Variants in ROBO1 observed in about 807,000 individuals in gnomAD.
ROBO1 encodes the protein roundabout homolog 1.
Under a neutral mutation model 195.9 loss-of-function variants are expected in ROBO1, and 149 were observed. The observed-to-expected ratio is 0.76, with a 90% CI of 0.67 to 0.87. The LOEUF is 0.87. ROBO1 is among the 40% of genes least tolerant of loss of function. The probability of loss-of-function intolerance (pLI) is 0.00; values close to 1 mark genes in which losing one functional copy is unlikely to be tolerated. For missense variants in ROBO1, 1,933 were observed against 2,068.3 expected (o/e 0.93, Z 1.27); for synonymous variants, 816 against 733.2 (o/e 1.11, Z -1.82).
chr3:79,689,053 T>C (rs574580389), intron 1 of ROBO1, among the ~76,000 whole-genome samples: 1 of 152,074 alleles, frequency 6.6e-6, no homozygotes, highest in African/African-American at 2.4e-5. Context: ...CCCCATTATA[T>C]CTTTAACTTA....
chr3:78,727,041 AACATT>A (rs1200055326), intron 5 of ROBO1, among the ~76,000 whole-genome samples: 6 of 152,136 alleles, frequency 3.9e-5, no homozygotes, highest in African/African-American at 1.2e-4. Context: ...TTCAGATTAA[AACATT>A]CATATTTTCT....
intron 4 of ROBO1, among the ~76,000 whole-genome samples, chr3:78,916,361 G>T (rs2038587214): frequency 6.6e-6 from 1 of 151,868 alleles, no homozygotes; most frequent in East Asian, 1.9e-4. Context: ...AGACCAGCCT[G>T]GCCAACGTGG....
intron 2 of ROBO1, among the ~76,000 whole-genome samples, chr3:79,152,680 A>G (rs2080793922): frequency 6.6e-6 from 1 of 151,816 alleles, no homozygotes; most frequent in African/African-American, 2.4e-5. Context: ...TGACAGTCAA[A>G]TGGGAGGAAT....
At chr3:79,186,088 C>T (rs2081432165) in intron 2 of ROBO1, among the ~76,000 whole-genome samples, 1 of 151,978 alleles carries the variant, frequency 6.6e-6, no homozygotes, top group African/African-American at 2.4e-5. Flanking sequence ...TCAAAGTGAC[C>T]CTGCTACTTA....
At chr3:79,424,383 T>A (rs1300141948) in intron 2 of ROBO1, among the ~76,000 whole-genome samples, 1 of 151,588 alleles carries the variant, frequency 6.6e-6, no homozygotes, top group Non-Finnish European at 1.5e-5. Context: ...ACACATAACA[T>A]TCAGAAGTTA....
chr3:78,964,772 G>C (rs963976649), intron 3 of ROBO1, among the ~76,000 whole-genome samples: 1 of 150,562 alleles, frequency 6.6e-6, no homozygotes, highest in African/African-American at 2.4e-5. Flanking sequence ...CAGAGTTTTA[G>C]GGGTCTAAAA....
chr3:78,708,578 A>ATGCT (rs1194329371), intron 8 of ROBO1, among the ~76,000 whole-genome samples: 4 of 152,172 alleles, frequency 2.6e-5, no homozygotes, highest in African/African-American at 9.7e-5. Context: ...CATCTAATAA[A>ATGCT]TACGTAATGG....
intron 11 of ROBO1, among the ~76,000 whole-genome samples, chr3:78,668,918 G>A (rs1279699552): frequency 1.3e-5 from 2 of 152,064 alleles, no homozygotes; most frequent in South Asian, 2.1e-4. Context: ...TGTTTAATAA[G>A]TTATATAATA....
chr3:79,006,786 A>G (rs1245603361), intron 3 of ROBO1, among the ~76,000 whole-genome samples: 1 of 149,022 alleles, frequency 6.7e-6, no homozygotes, highest in East Asian at 2.0e-4. Flanking sequence ...ACAGACTCTC[A>G]TAAGTTTTAT....
At chr3:79,611,026 G>T (rs1238983304) in intron 1 of ROBO1, among the ~76,000 whole-genome samples, 1 of 152,016 alleles carries the variant, frequency 6.6e-6, no homozygotes, top group East Asian at 1.9e-4. Context: ...GATCAAATAT[G>T]AATGGATGTA....
At chr3:79,467,939 T>C (rs1334140842) in intron 2 of ROBO1, among the ~76,000 whole-genome samples, 1 of 152,162 alleles carries the variant, frequency 6.6e-6, no homozygotes, top group African/African-American at 2.4e-5. Flanking sequence ...CCCTGTGGCA[T>C]ATCCTGTGAG....
At chr3:78,939,207 C>T (rs1012507476) in intron 3 of ROBO1, among the ~76,000 whole-genome samples, 1 of 152,126 alleles carries the variant, frequency 6.6e-6, no homozygotes, top group Non-Finnish European at 1.5e-5. Context: ...GAACCCATTA[C>T]ATTGTGTGTT....
chr3:79,197,848 T>C (rs1434828832), intron 2 of ROBO1, among the ~76,000 whole-genome samples: 1 of 151,976 alleles, frequency 6.6e-6, no homozygotes, highest in African/African-American at 2.4e-5. Context: ...TTTTGAGAAG[T>C]GTCTGTTCAT....
chr3:79,637,881 T>C (rs1466920645), intron 1 of ROBO1, among the ~76,000 whole-genome samples: 1 of 152,162 alleles, frequency 6.6e-6, no homozygotes, highest in Non-Finnish European at 1.5e-5. Context: ...CCTCTAGCTT[T>C]CTTTTTAAAA....
chr3:78,733,389 T>C (rs2082324176), intron 5 of ROBO1, among the ~76,000 whole-genome samples: 1 of 152,076 alleles, frequency 6.6e-6, no homozygotes, highest in African/African-American at 2.4e-5. Context: ...CCCTTTTGAA[T>C]GTACTATTTG....
chr3:78,919,715 T>C lies in ROBO1; in HGVS notation c.499+18886A>G, dbSNP rs192723138. Among the ~76,000 whole-genome samples, 313 of 152,300 alleles carry C rather than the reference T, an allele frequency of 2.1e-3. 2 individuals carry two copies. The highest frequency in any genetic ancestry group is 7.2e-3 in the African/African-American group (300 of 41,564). Reference sequence around the variant, plus strand: ...TTTGTCTTTACATCACAGAAAAAGTTGAGGAAGGTAAATCGATGGAGGTTA... The same window carrying C: ...TTTGTCTTTACATCACAGAAAAAGTCGAGGAAGGTAAATCGATGGAGGTTA... On this transcript the variant is annotated intron_variant, in intron 4 of 30. Transcript: ENST00000464233.
At chr3:78,613,424 T>C (rs1442609673) in intron 28 of ROBO1, among the ~76,000 whole-genome samples, 1 of 152,166 alleles carries the variant, frequency 6.6e-6, no homozygotes, top group Admixed American at 6.5e-5. Context: ...CTAGTGTTTG[T>C]CCCTTCACAG....
chr3:79,453,026 A>G (rs2039498331), intron 2 of ROBO1, among the ~76,000 whole-genome samples: 1 of 152,082 alleles, frequency 6.6e-6, no homozygotes, highest in Non-Finnish European at 1.5e-5. Context: ...ATGTATACAC[A>G]TATTGAAGGG....
chr3:78,931,352 T>TGCCTCA (rs1227805599), intron 4 of ROBO1, among the ~76,000 whole-genome samples: 1 of 148,656 alleles, frequency 6.7e-6, no homozygotes, highest in Non-Finnish European at 1.5e-5. Context: ...GTGATTCTCC[T>TGCCTCA]GCCTCAGCCT....
Sources: gnomAD v4.1 joint callset for allele counts (sites outside exome capture counted in the v4.1 genomes callset) on GRCh38, gnomAD v4.1.1 for gene constraint, MANE v1.5 for transcripts, NCBI Gene and HGNC (gene_info 2026-07-23, HGNC 2026-07-21) for gene names.